Variants in SLC13A2 observed in about 807,000 individuals in gnomAD.
SLC13A2 encodes solute carrier family 13 member 2.
Under a neutral mutation model 58.5 loss-of-function variants are expected in SLC13A2, and 40 were observed. That is an observed-to-expected ratio of 0.68 (90% CI 0.53 to 0.89). The LOEUF (loss-of-function observed/expected upper bound fraction) is 0.89. Among genes scored for constraint, SLC13A2 ranks in the 40% least tolerant of loss-of-function variants. The probability of loss-of-function intolerance (pLI) is 0.00; values close to 1 mark genes in which losing one functional copy is unlikely to be tolerated. For missense variants in SLC13A2, 694 were observed against 772.6 expected, an observed-to-expected ratio of 0.90 and a Z score of 1.21; for synonymous variants, 341 against 331.6, an observed-to-expected ratio of 1.03 and a Z score of -0.31.
chr17:28,495,661 G>C lies in SLC13A2; in HGVS notation c.1315G>C (p.Gly439Arg), dbSNP rs781961711. The change falls in exon 10 of 12, where the codon GGC becomes CGC. Residue 439 changes from glycine (G) to arginine (R), a missense_variant. Coordinates refer to ENST00000314669, the MANE Select transcript of SLC13A2 (RefSeq NM_003984.4). ...CATCCTCCTCTGCCCACAGCGATCG[G>C]GCCTGTCAGAGTGGCTGGGAAACAA... ...YALAKGSERSGLSEWLGNKLT... is the reference protein window; with the variant it reads ...YALAKGSERSRLSEWLGNKLT... 2 of 1,610,026 alleles carry C rather than the reference G, an allele frequency of 1.2e-6. No homozygotes were observed. The highest frequency in any genetic ancestry group is 2.2e-5 in the East Asian group (1 of 44,868).
rs116232217 is a variant in SLC13A2 at position 28,476,294 on chromosome 17, C to T, written c.102+2480C>T. ...TGCTCAAAACCCTACATTGGCCAGG[C>T]GCAGTGGCTCACACCTATAATCCCA... On this transcript the variant is annotated intron_variant, in intron 1 of 11. Transcript: ENST00000314669. Among the ~76,000 whole-genome samples, 394 of 152,240 alleles carry T rather than the reference C, an allele frequency of 2.6e-3. 2 individuals carry two copies. The highest frequency in any genetic ancestry group is 8.9e-3 in the African/African-American group (370 of 41,522).
chr17:28,496,394 C>G lies in SLC13A2; in HGVS notation c.1471-56C>G. 6.5e-7 allele frequency: 1 copy of G among 1,542,088 alleles called. No homozygotes were observed. Among genetic ancestry groups the G allele is most frequent in the East Asian group, 2.3e-5 (1 of 42,928 alleles). ...GAAGCAGGAGAATTGGGGGCCATGC[C>G]CCTCCCTCTGGCTTGGGGACCAAGT... is the stretch of plus-strand genomic sequence containing the variant. On this transcript the variant is annotated intron_variant, in intron 10 of 11. Transcript: ENST00000314669. This position sits in a 1 kb window ranked among gnomAD's most constrained non-coding sequence, Gnocchi z 4.2.
chr17:28,481,502 C>T (rs567565536), intron 1 of SLC13A2, among the ~76,000 whole-genome samples: 5 of 152,278 alleles, frequency 3.3e-5, no homozygotes, highest in East Asian at 1.9e-4. Context: ...AAGCCATAGG[C>T]GGCTAACTAG....
Position 28,496,513 on chromosome 17 carries a change from G to T in SLC13A2, c.1534G>T (p.Ala512Ser). 6.2e-7 allele frequency: 1 copy of T among 1,613,384 alleles called. No homozygotes were observed. The stretch of plus-strand genomic sequence containing the variant: ...CCCCTGCACTCTGGCCACCTCCCTG[G>T]CCTTCATGTTGCCTGTGGCCACCCC... Reference protein sequence around the residue: ...MLPCTLATSLAFMLPVATPPN... With the variant: ...MLPCTLATSLSFMLPVATPPN... The change falls in exon 11 of 12, where the codon GCC becomes TCC. Residue 512 changes from alanine to serine, a missense_variant. Ala to Ser is a moderately conservative substitution (Grantham distance 99, BLOSUM62 1). Transcript: ENST00000314669. The surrounding 1 kb of genome is among the most constrained non-coding windows in gnomAD (Gnocchi z 4.2).
At position 28,496,515 on chromosome 17, in the gene SLC13A2, C is replaced by A. The variant is rs373661642; in HGVS notation, c.1536C>A (p.Ala512=). The A allele has an allele frequency of 1.2e-5, 20 of 1,613,724 alleles. No homozygotes were observed. The African/African-American group carries it at 2.7e-4, about 22-fold the overall frequency. The change falls in exon 11 of 12, where the codon GCC becomes GCA. Residue 512 remains alanine, a synonymous_variant. Coordinates refer to ENST00000314669, the MANE Select transcript of SLC13A2 (RefSeq NM_003984.4). This position sits in a 1 kb window ranked among gnomAD's most constrained non-coding sequence, Gnocchi z 4.2. ...MLPCTLATSL[A]FMLPVATPPN... ...CCTGCACTCTGGCCACCTCCCTGGC[C>A]TTCATGTTGCCTGTGGCCACCCCGC... is the stretch of plus-strand genomic sequence containing the variant.
Position 28,496,981 on chromosome 17 carries a change from G to A in SLC13A2, c.1609-118G>A, listed in dbSNP as rs2069157172. On this transcript the variant is annotated intron_variant, in intron 11 of 11. Transcript: ENST00000314669. This position sits in a 1 kb window ranked among gnomAD's most constrained non-coding sequence, Gnocchi z 4.2. Reference sequence around the variant, plus strand: ...TATGCTGCAGGTTAGACCAACGGGAGGACTTCCCAGAGAGAATTTTGCTGG... The same window carrying A: ...TATGCTGCAGGTTAGACCAACGGGAAGACTTCCCAGAGAGAATTTTGCTGG... 8 of 1,050,144 alleles carry A rather than the reference G, an allele frequency of 7.6e-6. No homozygotes were observed. In the Admixed American group the frequency reaches 1.2e-4, roughly 16 times the overall value. 65.1% of individuals were successfully genotyped at this position (1,050,144 alleles called of 1,614,324 possible).
chr17:28,480,414 C>T (rs914765136), intron 1 of SLC13A2, among the ~76,000 whole-genome samples: 2 of 152,132 alleles, frequency 1.3e-5, no homozygotes, highest in Non-Finnish European at 2.9e-5. Context: ...TGATTCACTT[C>T]GGGCATGAAA....
In SLC13A2 at chr17:28,475,430, A is replaced by G. The variant is rs114971549; in HGVS notation, c.102+1616A>G. Among the ~76,000 whole-genome samples the G allele has an allele frequency of 5.6e-3, 860 of 152,214 alleles. 3 individuals carry two copies. The highest frequency in any genetic ancestry group is 0.037 in the Middle Eastern group (11 of 294). On this transcript the variant is annotated intron_variant, in intron 1 of 11. Transcript: ENST00000314669. ...GTCCTCTCACTCTCCTACAAGATAAATATTTCCTCTCTGCCTGATCTCCCC... is the reference window on the plus strand; with the variant it reads ...GTCCTCTCACTCTCCTACAAGATAAGTATTTCCTCTCTGCCTGATCTCCCC...
At chr17:28,489,486 C>A in intron 2 of SLC13A2, 144 bp downstream of exon 2, 1 of 952,704 alleles carries the variant, frequency 1.0e-6, no homozygotes, top group South Asian at 2.2e-5. Context: ...AGGAAGAAGT[C>A]AGCTAGAAGG....
intron 1 of SLC13A2, among the ~76,000 whole-genome samples, chr17:28,476,586 A>C (rs1193871439): frequency 1.3e-5 from 2 of 150,136 alleles, no homozygotes; most frequent in South Asian, 2.1e-4. Context: ...TGCTCCTCAC[A>C]TTGCTCTGGA....
Position 28,494,316 on chromosome 17 carries a change from C to G in SLC13A2, c.1187-75C>G. 3 of 1,613,246 alleles carry G rather than the reference C, an allele frequency of 1.9e-6. No individual in the cohort carries two copies. The highest frequency in any genetic ancestry group is 2.5e-6 in the Non-Finnish European group (3 of 1,179,490). ...CGTTAAGCTCCAAAAGGGACCCACA[C>G]AGGGAGCCCGCAAATGGAGAGGGGA... On this transcript the variant is annotated intron_variant, in intron 8 of 11. Coordinates refer to ENST00000314669, the MANE Select transcript of SLC13A2 (RefSeq NM_003984.4). This position sits in a 1 kb window ranked among gnomAD's most constrained non-coding sequence, Gnocchi z 4.0.
intron 1 of SLC13A2, among the ~76,000 whole-genome samples, chr17:28,480,444 C>T (rs546377412): frequency 3.9e-5 from 6 of 152,282 alleles, no homozygotes; most frequent in African/African-American, 1.4e-4. Context: ...GGAATTTGGA[C>T]CTCTGTTCTG....
intron 1 of SLC13A2, 102 bp from the exon 2 acceptor site, chr17:28,489,101 ACAGGCTCTCCC>A: frequency 7.9e-7 from 1 of 1,265,700 alleles, no homozygotes; most frequent in Non-Finnish European, 1.1e-6. Flanking sequence ...TGTGGGTTTC[ACAGGCTCTCCC>A]CAGGCAGTCA....
chr17:28,487,516 A>G, intron 1 of SLC13A2: 2 of 985,208 alleles, frequency 2.0e-6, no homozygotes, highest in East Asian at 1.1e-4. Flanking sequence ...TCATCCTCCA[A>G]TACTTATACA....
In SLC13A2 at chr17:28,495,642, C is replaced by T. The variant is rs144569830; in HGVS notation, c.1309-13C>T. Reference sequence around the variant, plus strand: ...AGCCTTGCCTCTCACATGCCATCCTCCTCTGCCCACAGCGATCGGGCCTGT... The same window carrying T: ...AGCCTTGCCTCTCACATGCCATCCTTCTCTGCCCACAGCGATCGGGCCTGT... On this transcript the variant is annotated splice_polypyrimidine_tract_variant and intron_variant, in intron 9 of 11. Coordinates refer to ENST00000314669, the MANE Select transcript of SLC13A2 (RefSeq NM_003984.4). 17,685 of 1,605,800 alleles carry T rather than the reference C, an allele frequency of 0.011. 134 individuals are homozygous for T. Among genetic ancestry groups the T allele is most frequent in the Non-Finnish European group, 0.014 (16,089 of 1,178,930 alleles).
rs1479520916 is a variant in SLC13A2 at position 28,494,858 on chromosome 17, T to G, written c.1308+346T>G. On this transcript the variant is annotated intron_variant, in intron 9 of 11. Transcript: ENST00000314669. This position sits in a 1 kb window ranked among gnomAD's most constrained non-coding sequence, Gnocchi z 4.0. ...TCAGCACCAAAGTAATTGGGGGTTG[T>G]GTTGACGCGGTCTGCCCTCCGCAGC... is the stretch of plus-strand genomic sequence containing the variant. Among the ~76,000 whole-genome samples the G allele has an allele frequency of 1.3e-5, 2 of 152,108 alleles. No homozygotes were observed. The highest frequency in any genetic ancestry group is 4.8e-5 in the African/African-American group (2 of 41,418).
At chr17:28,477,009 A>G (rs1299737829) in intron 1 of SLC13A2, among the ~76,000 whole-genome samples, 1 of 151,588 alleles carries the variant, frequency 6.6e-6, no homozygotes, top group Non-Finnish European at 1.5e-5. Context: ...AAAACACAAA[A>G]ATTAGCCAAG....
chr17:28,491,224 G>A lies in SLC13A2; in HGVS notation c.575-213G>A, dbSNP rs189387958. Among the ~76,000 whole-genome samples, 44 of 152,260 alleles carry A rather than the reference G, an allele frequency of 2.9e-4. No individual in the cohort carries two copies. In the East Asian group the frequency reaches 8.3e-3, roughly 29 times the overall value. On this transcript the variant is annotated intron_variant, in intron 4 of 11. Coordinates refer to ENST00000314669, the MANE Select transcript of SLC13A2 (RefSeq NM_003984.4). The stretch of plus-strand genomic sequence containing the variant: ...TAATCCTCGTTTCCCTCTCTCAAGA[G>A]AGAGGTCAGATCATAGAGTGTCCAA...
intron 6 of SLC13A2, 115 bp from the exon 7 acceptor site, chr17:28,493,456 T>C: frequency 1.2e-6 from 1 of 801,694 alleles, no homozygotes; most frequent in South Asian, 1.9e-5. Context: ...GGCCTGAGTG[T>C]AGTGACCCTG....
Sources: gnomAD v4.1 joint callset for allele counts (sites outside exome capture counted in the v4.1 genomes callset) on GRCh38, gnomAD v4.1.1 for gene constraint, Gnocchi (gnomAD v3.1) non-coding constraint, MANE v1.5 for transcripts, NCBI Gene and HGNC (gene_info 2026-07-23, HGNC 2026-07-21) for gene names.